The following CAMSAP1 variants were observed in gnomAD, a reference collection of about 807,000 sequenced individuals.
CAMSAP1 encodes the protein calmodulin-regulated spectrin-associated protein 1.
Under a neutral mutation model 143.5 loss-of-function variants are expected in CAMSAP1, and 58 were observed. The observed-to-expected ratio is 0.40, with a 90% CI of 0.33 to 0.50. The LOEUF is 0.50. Ranked by LOEUF, CAMSAP1 falls within the 20% of genes least tolerant of loss-of-function variation. CAMSAP1 has a pLI of 0.45. For missense variants in CAMSAP1, 1,969 were observed against 2,115.7 expected, an observed-to-expected ratio of 0.93 and a Z score of 1.36; for synonymous variants, 945 against 859.3, an observed-to-expected ratio of 1.10 and a Z score of -1.74.
intron 5 of CAMSAP1, among the ~76,000 whole-genome samples, chr9:135,860,120 T>C (rs1030251767): frequency 6.6e-6 from 1 of 151,072 alleles, no homozygotes; most frequent in Non-Finnish European, 1.5e-5. Flanking sequence ...ACTCAGGAGG[T>C]TGAGATGGGA....
At chr9:135,887,494 G>A (rs1015535117) in intron 1 of CAMSAP1, among the ~76,000 whole-genome samples, 110 of 152,340 alleles carry the variant, frequency 7.2e-4, no homozygotes, top group African/African-American at 2.6e-3. Flanking sequence ...AAGGATTGGA[G>A]AAACGGTGAC....
chr9:135,851,867 C>T (rs996582005), intron 5 of CAMSAP1, among the ~76,000 whole-genome samples: 2 of 152,318 alleles, frequency 1.3e-5, no homozygotes, highest in South Asian at 4.1e-4. Flanking sequence ...CGTGTACAGA[C>T]GGGTGTTGCC....
At chr9:135,819,376 T>C (rs555476804) in intron 11 of CAMSAP1, among the ~76,000 whole-genome samples, 3 of 152,306 alleles carry the variant, frequency 2.0e-5, no homozygotes, top group South Asian at 4.1e-4. Flanking sequence ...GAGATCCAGT[T>C]TGCCTTAAAA....
chr9:135,881,558 G>A, intron 3 of CAMSAP1, 75 bp downstream of exon 3: 3 of 1,484,314 alleles, frequency 2.0e-6, no homozygotes, highest in African/African-American at 1.4e-5. Flanking sequence ...GACAGACAAG[G>A]TGTGCTGCTC....
intron 5 of CAMSAP1, among the ~76,000 whole-genome samples, chr9:135,861,774 G>T (rs557914947): frequency 6.6e-6 from 1 of 152,300 alleles, no homozygotes; most frequent in African/African-American, 2.4e-5. Context: ...TCTTGGCCTT[G>T]TATCTGCCTA....
At chr9:135,865,824 G>C (rs1418777581) in intron 4 of CAMSAP1, among the ~76,000 whole-genome samples, 2 of 152,220 alleles carry the variant, frequency 1.3e-5, no homozygotes, top group Non-Finnish European at 2.9e-5. Context: ...ACTGGAGGGG[G>C]AAGAAGGAAC....
At chr9:135,816,999 G>A (rs1422148607) in intron 14 of CAMSAP1, among the ~76,000 whole-genome samples, 1 of 152,192 alleles carries the variant, frequency 6.6e-6, no homozygotes, top group Non-Finnish European at 1.5e-5. Flanking sequence ...CTTCTGGGCT[G>A]CTCAATCAGC....
chr9:135,821,392 G>A lies in CAMSAP1; in HGVS notation c.3269C>T (p.Ala1090Val). ...SPTGVAGHRK[A>V]PRLGQGRNSR... ...ATTCCGGCCTTGACCCAGCCGGGGG[G>A]CTTTGCGGTGGCCAGCCACGCCCGT... The change falls in exon 11 of 17, where the codon GCC becomes GTC. Residue 1090 changes from alanine to valine, a missense_variant. Around this residue, in one of 4 missense-constraint regions of CAMSAP1, gnomAD observed 1,390 missense variants for 1,420.8 expected, o/e 0.98. Transcript: ENST00000389532. This position sits in a 1 kb window ranked among gnomAD's most constrained non-coding sequence, Gnocchi z 4.6. The A allele has an allele frequency of 1.2e-6, 2 of 1,613,890 alleles. No homozygotes were observed. Among genetic ancestry groups the A allele is most frequent in the African/African-American group, 2.7e-5 (2 of 75,074 alleles).
At chr9:135,894,792 TG>T (rs1838395676) in intron 1 of CAMSAP1, among the ~76,000 whole-genome samples, 1 of 152,224 alleles carries the variant, frequency 6.6e-6, no homozygotes, top group Admixed American at 6.5e-5. Flanking sequence ...CAGAGGATGA[TG>T]AACTGGCACA....
intron 3 of CAMSAP1, among the ~76,000 whole-genome samples, chr9:135,868,748 T>C (rs983649939): frequency 6.6e-5 from 10 of 151,356 alleles, no homozygotes; most frequent in African/African-American, 1.9e-4. Context: ...TCCTGAATAG[T>C]TGGGACTACA....
intron 5 of CAMSAP1, among the ~76,000 whole-genome samples, chr9:135,858,752 T>C (rs1837068365): frequency 6.6e-6 from 1 of 152,228 alleles, no homozygotes; most frequent in African/African-American, 2.4e-5. Flanking sequence ...GCAAAGCTGA[T>C]GGTGCAGCCC....
At position 135,811,607 on chromosome 9, in the gene CAMSAP1, A is replaced by G; in HGVS notation, c.4511T>C (p.Leu1504Pro). Reference protein sequence around the residue: ...EPHKNSILEELEKCDANHYII... With the variant: ...EPHKNSILEEPEKCDANHYII... Reference sequence around the variant, plus strand: ...GTAGTGATTGGCATCACACTTCTCCAGCTCCTGTGCAGAGAGAGAAAAGGG... The same window carrying G: ...GTAGTGATTGGCATCACACTTCTCCGGCTCCTGTGCAGAGAGAGAAAAGGG... Residue 1504 changes from leucine (L) to proline (P), a missense_variant, in exon 17 of 17, where the codon CTG becomes CCG. Physicochemically the swap from Leu to Pro is moderately conservative, Grantham distance 98. Transcript: ENST00000389532. This position sits in a 1 kb window ranked among gnomAD's most constrained non-coding sequence, Gnocchi z 4.9. 1 of 1,583,780 alleles carries G rather than the reference A, an allele frequency of 6.3e-7. No individual in the cohort carries two copies. Among genetic ancestry groups the G allele is most frequent in the Non-Finnish European group, 8.6e-7 (1 of 1,164,490 alleles).
intron 7 of CAMSAP1, among the ~76,000 whole-genome samples, chr9:135,835,239 G>T (rs1401671109): frequency 6.6e-6 from 1 of 152,054 alleles, no homozygotes; most frequent in African/African-American, 2.4e-5. Context: ...GACCCCTCCC[G>T]CCCCCACACA....
rs758555979 is a variant in CAMSAP1, at chr9:135,821,924, C to A, written c.2737G>T (p.Ala913Ser). 12 of 1,613,398 alleles carry A rather than the reference C, an allele frequency of 7.4e-6. No individual in the cohort carries two copies. Among genetic ancestry groups the A allele is most frequent in the Non-Finnish European group, 1.0e-5 (12 of 1,179,726 alleles). The change falls in exon 11 of 17, where the codon GCT (alanine) becomes TCT (serine). Residue 913 changes from alanine to serine, a missense_variant. Transcript: ENST00000389532. The surrounding 1 kb of genome is among the most constrained non-coding windows in gnomAD (Gnocchi z 4.6). ...SARQRLKLGK[A>S]AFLHVVKKGK... ...TTCTTCACCACATGCAGGAATGCAGCCTTGCCGAGCTTCAGGCGCTGCCTT... is the reference window on the plus strand; with the variant it reads ...TTCTTCACCACATGCAGGAATGCAGACTTGCCGAGCTTCAGGCGCTGCCTT...
intron 1 of CAMSAP1, among the ~76,000 whole-genome samples, chr9:135,891,162 AG>A (rs1426590891): frequency 6.6e-6 from 1 of 152,142 alleles, no homozygotes; most frequent in Non-Finnish European, 1.5e-5. Flanking sequence ...GGCCCCTACA[AG>A]CTGGAGGGGG....
chr9:135,860,700 G>A (rs1013838810), intron 5 of CAMSAP1, among the ~76,000 whole-genome samples: 6 of 146,582 alleles, frequency 4.1e-5, no homozygotes, highest in African/African-American at 1.3e-4. Context: ...CTTCTTTAAG[G>A]TGTCTAGTTC....
rs562039163 is a variant in CAMSAP1, at chr9:135,812,486, C to T, written c.4507-875G>A. ...AAATCCATGGAGACAGACTGGCGAC[C>T]GCCAAGAGCTTGGGCGCGGGAAGAC... On this transcript the variant is annotated intron_variant, in intron 16 of 16. Transcript: ENST00000389532. 1.3e-4 allele frequency among the ~76,000 whole-genome samples: 20 copies of T among 152,214 alleles called. No homozygotes were observed. The South Asian group carries it at 3.3e-3, about 25-fold the overall frequency.
At chr9:135,840,606 C>G (rs2131715120) in intron 7 of CAMSAP1, among the ~76,000 whole-genome samples, 3 of 151,836 alleles carry the variant, frequency 2.0e-5, no homozygotes, top group Middle Eastern at 3.4e-3. Context: ...CAGCTCCAAT[C>G]TGCAGCTCCC....
At chr9:135,880,243 C>A (rs1273243482) in intron 3 of CAMSAP1, among the ~76,000 whole-genome samples, 1 of 152,138 alleles carries the variant, frequency 6.6e-6, no homozygotes, top group East Asian at 1.9e-4. Context: ...GGCCTGAACA[C>A]CATTTTCCAC....
Sources: gnomAD v4.1 joint callset for allele counts (sites outside exome capture counted in the v4.1 genomes callset) on GRCh38, gnomAD v4.1.1 for gene constraint, gnomAD v4.1.1 regional missense constraint, Gnocchi (gnomAD v3.1) non-coding constraint, MANE v1.5 for transcripts, NCBI Gene and HGNC (gene_info 2026-07-23, HGNC 2026-07-21) for gene names.